Variants in BRMS1L observed in about 807,000 individuals in gnomAD.
The protein encoded by BRMS1L is breast cancer metastasis-suppressor 1-like protein.
In BRMS1L, 23 loss-of-function variants were observed where a neutral mutation model predicts 50.3. The observed-to-expected ratio is 0.46, with a 90% CI of 0.33 to 0.65. The LOEUF (loss-of-function observed/expected upper bound fraction) is 0.65, where lower values mean the gene tolerates loss of function less well. Ranked by LOEUF, BRMS1L falls within the 30% of genes least tolerant of loss-of-function variation. The pLI is 0.02. For missense variants in BRMS1L, 286 were observed against 386.1 expected (o/e 0.74, Z 2.17); for synonymous variants, 114 against 126.9 (o/e 0.90, Z 0.69).
intron 4 of BRMS1L, among the ~76,000 whole-genome samples, chr14:35,847,217 G>C (rs912951125): frequency 1.3e-5 from 2 of 152,078 alleles, no homozygotes; most frequent in Admixed American, 1.3e-4. Context: ...GGGCTCAAGC[G>C]ATCTGCCACC....
At chr14:35,837,644 G>A (rs1298301129) in intron 4 of BRMS1L, among the ~76,000 whole-genome samples, 3 of 151,914 alleles carry the variant, frequency 2.0e-5, no homozygotes, top group African/African-American at 4.8e-5. Flanking sequence ...TCTGCCTCCC[G>A]AGTTCAAGCG....
intron 9 of BRMS1L, 137 bp downstream of exon 9, chr14:35,868,169 T>G (rs1291693196): frequency 9.2e-6 from 7 of 764,886 alleles, no homozygotes; most frequent in Non-Finnish European, 2.0e-6. Flanking sequence ...GACATATGGC[T>G]TGATTACATG....
chr14:35,835,325 G>A (rs2077977085), intron 4 of BRMS1L, among the ~76,000 whole-genome samples: 1 of 152,018 alleles, frequency 6.6e-6, no homozygotes, highest in African/African-American at 2.4e-5. Flanking sequence ...CACATCTTTG[G>A]GCAGAATTCT....
chr14:35,826,777 G>C, intron 1 of BRMS1L, 119 bp downstream of exon 1: 1 of 1,408,414 alleles, frequency 7.1e-7, no homozygotes, highest in Non-Finnish European at 9.5e-7. Flanking sequence ...GGGAAGGGGC[G>C]GAGACTGGCT....
intron 1 of BRMS1L, among the ~76,000 whole-genome samples, chr14:35,829,039 G>A (rs2077884775): frequency 6.6e-6 from 1 of 150,894 alleles, no homozygotes; most frequent in Non-Finnish European, 1.5e-5. Flanking sequence ...TCTGCCTCCT[G>A]GATTAGATTC....
At chr14:35,854,980 T>G (rs1419239142) in intron 4 of BRMS1L, among the ~76,000 whole-genome samples, 1 of 152,250 alleles carries the variant, frequency 6.6e-6, no homozygotes. Context: ...TTTCCCCCCC[T>G]CTTACTGCCT....
chr14:35,829,863 A>G lies in BRMS1L; in HGVS notation c.143-1547A>G, dbSNP rs1183463002. On this transcript the variant is annotated intron_variant, in intron 1 of 9. Transcript: ENST00000216807. ...GCTTCAGTTATTTTGATGAATGAAT[A>G]TATGTGATATGAACATAGAAAATGT... The G allele has an allele frequency of 6.5e-6, 8 of 1,238,698 alleles. No individual in the cohort carries two copies. The South Asian group carries it at 8.5e-5, about 13-fold the overall frequency. The allele number at this position is 1,238,698 out of a possible 1,614,324, so 76.7% of individuals were successfully genotyped here.
intron 4 of BRMS1L, among the ~76,000 whole-genome samples, chr14:35,848,612 C>T (rs535605982): frequency 4.6e-5 from 7 of 152,332 alleles, no homozygotes; most frequent in African/African-American, 1.2e-4. Flanking sequence ...TTCCCATACC[C>T]TGCCCCACTG....
At position 35,828,944 on chromosome 14, in the gene BRMS1L, CT is replaced by C. The variant is rs113694378; in HGVS notation, c.142+2298del. ...AAGGAGACTGTATGGGAATATATTT[CT>C]TTTTTTTTTTTCTTTTTTTTGAGAC... On this transcript the variant is annotated intron_variant, in intron 1 of 9. Coordinates refer to ENST00000216807, the MANE Select transcript of BRMS1L (RefSeq NM_032352.4). 1.2e-3 allele frequency among the ~76,000 whole-genome samples: 170 copies of C among 145,070 alleles called. 1 individual carries two copies. The highest frequency in any genetic ancestry group is 3.5e-3 in the Middle Eastern group (1 of 286).
intron 4 of BRMS1L, among the ~76,000 whole-genome samples, chr14:35,857,301 GTATA>G (rs35853963): frequency 6.8e-6 from 1 of 147,428 alleles, no homozygotes; most frequent in Admixed American, 6.8e-5. Context: ...GTGTGTGTGT[GTATA>G]TATATATATG....
intron 5 of BRMS1L, 68 bp from the exon 6 acceptor site, chr14:35,863,802 A>C: frequency 7.1e-7 from 1 of 1,417,184 alleles, no homozygotes; most frequent in South Asian, 1.2e-5. Flanking sequence ...CCACCATAAA[A>C]TTAGAGTCTT....
chr14:35,833,399 G>T (rs1369228293), intron 3 of BRMS1L, among the ~76,000 whole-genome samples: 1 of 151,754 alleles, frequency 6.6e-6, no homozygotes, highest in Non-Finnish European at 1.5e-5. Context: ...TTCATTAAGA[G>T]AGACTGTTAC....
chr14:35,847,653 T>C (rs1479322829), intron 4 of BRMS1L, among the ~76,000 whole-genome samples: 1 of 152,226 alleles, frequency 6.6e-6, no homozygotes, highest in African/African-American at 2.4e-5. Flanking sequence ...CAATGTTGTA[T>C]GGCAGATCTC....
chr14:35,832,952 A>G, intron 2 of BRMS1L, 26 bp from the exon 3 acceptor site: 2 of 1,569,566 alleles, frequency 1.3e-6, no homozygotes, highest in South Asian at 1.2e-5. Context: ...TTTTTAAATT[A>G]ACATATTAAT....
intron 4 of BRMS1L, among the ~76,000 whole-genome samples, chr14:35,856,981 C>T (rs112241101): frequency 0.047 from 7,204 of 152,010 alleles, 265 homozygotes; most frequent in East Asian, 0.24. Flanking sequence ...TGGCTTATGC[C>T]TGTAATCCCA....
chr14:35,841,956 G>C (rs1485644831), intron 4 of BRMS1L, among the ~76,000 whole-genome samples: 2 of 143,366 alleles, frequency 1.4e-5, no homozygotes, highest in African/African-American at 5.2e-5. Context: ...ATCTTTGTTG[G>C]TTTAAAGTCT....
At chr14:35,841,249 G>T (rs2078058926) in intron 4 of BRMS1L, among the ~76,000 whole-genome samples, 1 of 151,600 alleles carries the variant, frequency 6.6e-6, no homozygotes, top group South Asian at 2.1e-4. Context: ...TTGCTGAGGA[G>T]TGTTTTACTT....
intron 4 of BRMS1L, among the ~76,000 whole-genome samples, chr14:35,848,727 CTTATT>C (rs1428017740): frequency 3.3e-5 from 5 of 152,106 alleles, no homozygotes; most frequent in African/African-American, 1.2e-4. Flanking sequence ...CTATGCCTGA[CTTATT>C]TAATGTTAGT....
At chr14:35,828,631 G>A (rs2077878588) in intron 1 of BRMS1L, among the ~76,000 whole-genome samples, 1 of 151,482 alleles carries the variant, frequency 6.6e-6, no homozygotes, top group Admixed American at 6.6e-5. Flanking sequence ...GCGCCGCCAC[G>A]CTCAGATAAT....
Sources: gnomAD v4.1 joint callset for allele counts (sites outside exome capture counted in the v4.1 genomes callset) on GRCh38, gnomAD v4.1.1 for gene constraint, MANE v1.5 for transcripts, NCBI Gene and HGNC (gene_info 2026-07-23, HGNC 2026-07-21) for gene names.